Variants in COMMD10 observed in about 807,000 individuals in gnomAD.
The protein encoded by COMMD10 is COMM domain containing 10, also known as COMM domain-containing protein 10.
In COMMD10, 33 loss-of-function variants were observed where a neutral mutation model predicts 28.9. The observed-to-expected ratio is 1.14, with a 90% CI of 0.87 to 1.53. The LOEUF (loss-of-function observed/expected upper bound fraction) is 1.53. Ranked by LOEUF, COMMD10 falls within the 40% of genes most tolerant of loss-of-function variation. The pLI is 0.00. For missense variants in COMMD10, 310 were observed against 233.4 expected, an observed-to-expected ratio of 1.33 and a Z score of -2.14; for synonymous variants, 110 against 81.7, an observed-to-expected ratio of 1.35 and a Z score of -1.87.
At chr5:116,257,614 C>G (rs1455132445) in intron 5 of COMMD10, among the ~76,000 whole-genome samples, 1 of 151,392 alleles carries the variant, frequency 6.6e-6, no homozygotes, top group East Asian at 1.9e-4. Flanking sequence ...AGCAGGGGGC[C>G]CTTTACCTGA....
chr5:116,289,010 T>C (rs1751293341), intron 5 of COMMD10, among the ~76,000 whole-genome samples: 1 of 150,764 alleles, frequency 6.6e-6, no homozygotes, highest in Non-Finnish European at 1.5e-5. Flanking sequence ...GCCTCCTGAG[T>C]AGCTGGGATT....
rs368038747 is a variant in COMMD10, at chr5:116,183,541, T to G, written c.510+49363T>G. On this transcript the variant is annotated intron_variant, in intron 5 of 6. Transcript: ENST00000274458. Reference sequence around the variant, plus strand: ...AGTGAATTATAGGCCTCCTTGAAATTAATAAAAATCTTCAAAGTAGTATTT... The same window carrying G: ...AGTGAATTATAGGCCTCCTTGAAATGAATAAAAATCTTCAAAGTAGTATTT... Among the ~76,000 whole-genome samples, 7 of 152,204 alleles carry G rather than the reference T, an allele frequency of 4.6e-5. No homozygotes were observed. In the East Asian group the frequency reaches 5.8e-4, roughly 13 times the overall value.
intron 5 of COMMD10, among the ~76,000 whole-genome samples, chr5:116,207,026 G>T (rs552114236): frequency 6.6e-6 from 1 of 152,170 alleles, no homozygotes; most frequent in South Asian, 2.1e-4. Context: ...TATTTTTTAA[G>T]AACTGAGGTT....
At chr5:116,251,393 T>C (rs1344426229) in intron 5 of COMMD10, among the ~76,000 whole-genome samples, 1 of 146,966 alleles carries the variant, frequency 6.8e-6, no homozygotes, top group Non-Finnish European at 1.5e-5. Flanking sequence ...CTGCACCCAC[T>C]AACTCGTCAT....
chr5:116,267,670 G>C (rs1419959740), intron 5 of COMMD10, among the ~76,000 whole-genome samples: 2 of 151,832 alleles, frequency 1.3e-5, no homozygotes, highest in South Asian at 4.1e-4. Context: ...AACAAAGCTG[G>C]AGGCATCACA....
intron 5 of COMMD10, among the ~76,000 whole-genome samples, chr5:116,167,232 GAAGT>G (rs1408393017): frequency 6.6e-6 from 1 of 151,678 alleles, no homozygotes; most frequent in Non-Finnish European, 1.5e-5. Flanking sequence ...GAATCAAGCA[GAAGT>G]AAGGATATCA....
rs141952526 is a variant in COMMD10, at chr5:116,127,352, G to A, written c.400-6716G>A. 1.2e-3 allele frequency among the ~76,000 whole-genome samples: 187 copies of A among 152,288 alleles called. 2 individuals are homozygous for A. Among genetic ancestry groups the A allele is most frequent in the African/African-American group, 4.4e-3 (182 of 41,570 alleles). On this transcript the variant is annotated intron_variant, in intron 4 of 6. Transcript: ENST00000274458. ...GGGAGTGTAAACTAGTTCAACCATCGTGGAAGACAGTGTGGCGATTCCTCA... is the reference window on the plus strand; with the variant it reads ...GGGAGTGTAAACTAGTTCAACCATCATGGAAGACAGTGTGGCGATTCCTCA...
At chr5:116,253,613 A>T (rs1368978956) in intron 5 of COMMD10, among the ~76,000 whole-genome samples, 1 of 140,530 alleles carries the variant, frequency 7.1e-6, no homozygotes, top group Non-Finnish European at 1.5e-5. Flanking sequence ...TGATTTGTGT[A>T]TATTGAACCA....
At chr5:116,284,326 A>G (rs905342486) in intron 5 of COMMD10, among the ~76,000 whole-genome samples, 6 of 146,604 alleles carry the variant, frequency 4.1e-5, no homozygotes, top group Non-Finnish European at 4.4e-5. Context: ...AAAGGATTGT[A>G]TGTGTGTGTG....
chr5:116,225,235 GC>G (rs1409865745), intron 5 of COMMD10, among the ~76,000 whole-genome samples: 11 of 151,520 alleles, frequency 7.3e-5, no homozygotes, highest in Non-Finnish European at 1.3e-4. Context: ...ATTTATAATA[GC>G]TTTTTTGAAT....
At chr5:116,176,153 C>T (rs899901333) in intron 5 of COMMD10, among the ~76,000 whole-genome samples, 2 of 152,074 alleles carry the variant, frequency 1.3e-5, no homozygotes, top group African/African-American at 4.8e-5. Flanking sequence ...TCTTTGTCTC[C>T]CAGGCTGGAG....
chr5:116,279,864 A>G (rs774320416), intron 5 of COMMD10, among the ~76,000 whole-genome samples: 46 of 151,870 alleles, frequency 3.0e-4, no homozygotes, highest in Admixed American at 6.6e-4. Context: ...ACAGTGTGAC[A>G]CCCCATCCGC....
chr5:116,180,472 G>C (rs1217033190), intron 5 of COMMD10, among the ~76,000 whole-genome samples: 1 of 151,932 alleles, frequency 6.6e-6, no homozygotes, highest in Non-Finnish European at 1.5e-5. Flanking sequence ...TCCTGTATTA[G>C]TGTTGGGATA....
At chr5:116,239,302 T>C (rs1749755579) in intron 5 of COMMD10, among the ~76,000 whole-genome samples, 1 of 152,210 alleles carries the variant, frequency 6.6e-6, no homozygotes, top group African/African-American at 2.4e-5. Context: ...CCATCAGAAC[T>C]TTGATTTCTC....
chr5:116,097,331 G>A (rs1750502257), intron 4 of COMMD10, among the ~76,000 whole-genome samples: 1 of 152,142 alleles, frequency 6.6e-6, no homozygotes, highest in Non-Finnish European at 1.5e-5. Context: ...TGTGCTTATT[G>A]TGGGTCAGAT....
intron 5 of COMMD10, among the ~76,000 whole-genome samples, chr5:116,136,575 A>G (rs1319920630): frequency 1.3e-5 from 2 of 152,164 alleles, no homozygotes; most frequent in East Asian, 3.8e-4. Context: ...AAGTATGCCT[A>G]TGTGTCTGTT....
At chr5:116,292,069 C>A (rs974968566) in intron 6 of COMMD10, among the ~76,000 whole-genome samples, 1 of 151,662 alleles carries the variant, frequency 6.6e-6, no homozygotes, top group Non-Finnish European at 1.5e-5. Flanking sequence ...CTGGAGCATG[C>A]GTGTGGTTAT....
At chr5:116,176,111 T>C (rs76275737) in intron 5 of COMMD10, among the ~76,000 whole-genome samples, 4,298 of 152,240 alleles carry the variant, frequency 0.028, 104 homozygotes, top group East Asian at 0.14. Context: ...TTTGGACTTA[T>C]TCACTGTTTG....
intron 5 of COMMD10, among the ~76,000 whole-genome samples, chr5:116,240,866 A>G (rs547684340): frequency 3.9e-5 from 6 of 152,358 alleles, no homozygotes; most frequent in Admixed American, 3.9e-4. Flanking sequence ...ATGGTGAACT[A>G]TTTATAAACT....
Sources: gnomAD v4.1 joint callset for allele counts (sites outside exome capture counted in the v4.1 genomes callset) on GRCh38, gnomAD v4.1.1 for gene constraint, MANE v1.5 for transcripts, NCBI Gene and HGNC (gene_info 2026-07-23, HGNC 2026-07-21) for gene names.